Variants in DNAH9 observed in about 807,000 individuals in gnomAD.
The protein encoded by DNAH9 is dynein axonemal heavy chain 9.
Under a neutral mutation model 471.6 loss-of-function variants are expected in DNAH9, and 345 were observed. That is an observed-to-expected ratio of 0.73 (90% confidence interval 0.67 to 0.80). DNAH9 has a LOEUF of 0.80. Ranked by LOEUF, DNAH9 falls within the 30% of genes least tolerant of loss-of-function variation. The probability of loss-of-function intolerance (pLI) is 0.00; values close to 1 mark genes in which losing one functional copy is unlikely to be tolerated. For missense variants in DNAH9, 5,407 were observed against 5,609.2 expected, an observed-to-expected ratio of 0.96 and a Z score of 1.15; for synonymous variants, 2,093 against 2,123.6, an observed-to-expected ratio of 0.99 and a Z score of 0.40.
intron 49 of DNAH9, among the ~76,000 whole-genome samples, chr17:11,838,919 A>G (rs887507616): frequency 6.6e-6 from 1 of 152,154 alleles, no homozygotes; most frequent in Non-Finnish European, 1.5e-5. Context: ...CATTATTTTC[A>G]AAGTTAGCAA....
At chr17:11,800,550 A>G (rs1180764186) in intron 43 of DNAH9, among the ~76,000 whole-genome samples, 1 of 151,762 alleles carries the variant, frequency 6.6e-6, no homozygotes, top group African/African-American at 2.4e-5. Flanking sequence ...CTCCGCTCCT[A>G]TCCGCAACGA....
chr17:11,732,511 C>T (rs535408019), intron 28 of DNAH9, among the ~76,000 whole-genome samples: 84 of 152,096 alleles, frequency 5.5e-4, no homozygotes, highest in African/African-American at 1.9e-3. Flanking sequence ...CTGTGCTCCT[C>T]TTCCCAGTAA....
At chr17:11,844,970 A>G (rs1024406784) in intron 49 of DNAH9, among the ~76,000 whole-genome samples, 2 of 149,468 alleles carry the variant, frequency 1.3e-5, no homozygotes, top group Non-Finnish European at 1.5e-5. Context: ...GTGTCTGTTC[A>G]TGTCCTTTGT....
At chr17:11,715,903 A>G (rs1431103828) in intron 26 of DNAH9, among the ~76,000 whole-genome samples, 2 of 151,418 alleles carry the variant, frequency 1.3e-5, no homozygotes, top group African/African-American at 4.8e-5. Context: ...ACTCGCAAGC[A>G]GGAGCACATC....
Position 11,934,823 on chromosome 17 carries a change from G to T in DNAH9, c.12489+752G>T, listed in dbSNP as rs115092713. 3.2e-3 allele frequency among the ~76,000 whole-genome samples: 493 copies of T among 152,186 alleles called. 2 individuals are homozygous for T. The highest frequency in any genetic ancestry group is 0.011 in the African/African-American group (463 of 41,522). On this transcript the variant is annotated intron_variant, in intron 65 of 68. Transcript: ENST00000262442. ...CCAACTTTTGGTAAAGTTTCTGTGG[G>T]TGATTCTAAATATCCCTGGAGGAGC...
At position 11,822,958 on chromosome 17, in the gene DNAH9, G is replaced by A. The variant is rs1252607025; in HGVS notation, c.9170G>A (p.Arg3057Lys). ...FIRLYQSLLH[R>K]HRKELKCKTE... Reference sequence around the variant, plus strand: ...AGACTCTACCAGAGCTTGTTGCACAGGCACAGAAAAGAGCTCAAGTGCAAG... The same window carrying A: ...AGACTCTACCAGAGCTTGTTGCACAAGCACAGAAAAGAGCTCAAGTGCAAG... Residue 3057 changes from arginine to lysine, a missense_variant, in exon 48 of 69, where the codon AGG becomes AAG. Transcript: ENST00000262442. 6.2e-7 allele frequency: 1 copy of A among 1,614,068 alleles called. No homozygotes were observed. Among genetic ancestry groups the A allele is most frequent in the Non-Finnish European group, 8.5e-7 (1 of 1,180,034 alleles).
intron 33 of DNAH9, among the ~76,000 whole-genome samples, chr17:11,754,306 A>G (rs147316236): frequency 2.0e-5 from 3 of 152,230 alleles, no homozygotes; most frequent in Non-Finnish European, 4.4e-5. Flanking sequence ...ATATGTCTTT[A>G]TAGTAGAATG....
At chr17:11,922,357 C>T (rs1974165648) in intron 61 of DNAH9, among the ~76,000 whole-genome samples, 1 of 152,080 alleles carries the variant, frequency 6.6e-6, no homozygotes, top group African/African-American at 2.4e-5. Context: ...TTGTCTACTT[C>T]ACCTTGCTAG....
At chr17:11,863,448 T>A (rs1258878190) in intron 50 of DNAH9, among the ~76,000 whole-genome samples, 3 of 152,210 alleles carry the variant, frequency 2.0e-5, no homozygotes, top group Non-Finnish European at 4.4e-5. Flanking sequence ...GATTTTTGCA[T>A]CCATGTTCAT....
rs547782425 is a variant in DNAH9, at chr17:11,654,119, G to T, written c.2595+1117G>T. Among the ~76,000 whole-genome samples, 49 of 67,046 alleles carry T rather than the reference G, an allele frequency of 7.3e-4. 8 individuals are homozygous for T. Among genetic ancestry groups the T allele is most frequent in the Admixed American group, 4.6e-3 (39 of 8,436 alleles). The allele number at this position is 67,046 out of a possible 152,430, so 44.0% of individuals were successfully genotyped here. A position where few individuals can be genotyped will look rare whatever the true frequency, so the allele number is the denominator to read the frequency against. On this transcript the variant is annotated intron_variant, in intron 14 of 68. Transcript: ENST00000262442. ...GCTTGTAATCCCAGCACTTTGGGAG[G>T]CCGAGGCGGGCGGATCACGAGGTCA...
chr17:11,804,735 G>C (rs181721832), intron 43 of DNAH9, among the ~76,000 whole-genome samples: 1 of 152,066 alleles, frequency 6.6e-6, no homozygotes, highest in South Asian at 2.1e-4. Context: ...TTAGCCGAGC[G>C]TGGTGGCAGG....
intron 37 of DNAH9, 30 bp downstream of exon 37, chr17:11,768,656 CGT>C: frequency 6.2e-7 from 1 of 1,603,086 alleles, no homozygotes; most frequent in Non-Finnish European, 8.5e-7. Context: ...CGAGGACGTG[CGT>C]GCAGTTGCCC....
At chr17:11,611,910 T>A in intron 4 of DNAH9, 130 bp downstream of exon 4, 1 of 859,288 alleles carries the variant, frequency 1.2e-6, no homozygotes, top group Non-Finnish European at 1.9e-6. Flanking sequence ...CAAACTAGCA[T>A]GGTGGCAAGA....
intron 49 of DNAH9, among the ~76,000 whole-genome samples, chr17:11,836,289 A>G (rs1274349848): frequency 6.6e-6 from 1 of 152,190 alleles, no homozygotes; most frequent in African/African-American, 2.4e-5. Flanking sequence ...TGTAGCATCT[A>G]TTGCCTCAGG....
intron 11 of DNAH9, among the ~76,000 whole-genome samples, chr17:11,645,510 T>C (rs2073364342): frequency 6.6e-6 from 1 of 152,166 alleles, no homozygotes; most frequent in African/African-American, 2.4e-5. Flanking sequence ...AATCCAATAA[T>C]GTCACCATAG....
chr17:11,797,350 C>A (rs1396143142), intron 42 of DNAH9, among the ~76,000 whole-genome samples: 1 of 152,128 alleles, frequency 6.6e-6, no homozygotes, highest in Non-Finnish European at 1.5e-5. Context: ...GTGAGGAGGC[C>A]CCATCCCACC....
chr17:11,951,707 G>A (rs1305679777), intron 67 of DNAH9, among the ~76,000 whole-genome samples: 1 of 152,084 alleles, frequency 6.6e-6, no homozygotes, highest in Non-Finnish European at 1.5e-5. Flanking sequence ...GGTGGATTAT[G>A]AGGTCAGGAG....
chr17:11,730,405 TGA>T (rs2075237742), intron 28 of DNAH9, among the ~76,000 whole-genome samples: 1 of 152,362 alleles, frequency 6.6e-6, no homozygotes, highest in African/African-American at 2.4e-5. Context: ...GGATGTAAGC[TGA>T]GTGTTGCCAG....
At chr17:11,622,696 G>C (rs547448633) in intron 6 of DNAH9, among the ~76,000 whole-genome samples, 3 of 152,300 alleles carry the variant, frequency 2.0e-5, no homozygotes, top group South Asian at 4.1e-4. Flanking sequence ...TAATCTGCAG[G>C]ATATGTTCAG....
Sources: allele counts gnomAD v4.1 joint callset (sites outside exome capture counted in the v4.1 genomes callset), GRCh38; gene constraint gnomAD v4.1.1; transcripts MANE v1.5; gene names NCBI Gene and HGNC (gene_info 2026-07-23, HGNC 2026-07-21).